ARHGAP18: variants seen among roughly 807,000 people sequenced by gnomAD.
The protein encoded by ARHGAP18 is rho GTPase-activating protein 18.
ARHGAP18 carries 67 observed loss-of-function variants against 86.2 expected under a neutral mutation model. That is an observed-to-expected ratio of 0.78 (90% confidence interval 0.64 to 0.95). The LOEUF is 0.95. ARHGAP18 is among the 40% of genes least tolerant of loss of function. ARHGAP18 has a pLI of 0.00. For synonymous variants in ARHGAP18, 283 were observed against 280.4 expected, an observed-to-expected ratio of 1.01 and a Z score of -0.09; for missense variants, 691 against 780.4, an observed-to-expected ratio of 0.89 and a Z score of 1.37.
At chr6:129,686,940 G>C (rs1304628768) in intron 1 of ARHGAP18, among the ~76,000 whole-genome samples, 1 of 149,852 alleles carries the variant, frequency 6.7e-6, no homozygotes, top group East Asian at 2.0e-4. Context: ...ACAGGCACCG[G>C]CCACCACACC....
intron 1 of ARHGAP18, among the ~76,000 whole-genome samples, chr6:129,668,372 A>ACACACT (rs1177761216): frequency 1.1e-4 from 17 of 148,216 alleles, no homozygotes; most frequent in Non-Finnish European, 2.1e-4. Flanking sequence ...TCACACACAC[A>ACACACT]CACACACACA....
At chr6:129,603,914 T>A (rs967941683) in intron 10 of ARHGAP18, among the ~76,000 whole-genome samples, 1 of 152,204 alleles carries the variant, frequency 6.6e-6, no homozygotes, top group Non-Finnish European at 1.5e-5. Flanking sequence ...ACCATGCACA[T>A]GATTCTGTCC....
At chr6:129,635,560 T>C (rs779837748) in intron 3 of ARHGAP18, among the ~76,000 whole-genome samples, 14 of 152,188 alleles carry the variant, frequency 9.2e-5, no homozygotes, top group Non-Finnish European at 1.8e-4. Context: ...TTTTGGAGCA[T>C]GTGGTCGGAA....
intron 5 of ARHGAP18, among the ~76,000 whole-genome samples, chr6:129,619,103 C>T (rs1261245591): frequency 6.7e-6 from 1 of 148,962 alleles, no homozygotes; most frequent in Non-Finnish European, 1.5e-5. Flanking sequence ...AGTATTAATA[C>T]CAGTGGCTCA....
intron 1 of ARHGAP18, among the ~76,000 whole-genome samples, chr6:129,648,479 A>C (rs887587332): frequency 1.3e-5 from 2 of 149,420 alleles, no homozygotes; most frequent in African/African-American, 4.9e-5. Context: ...ACTTTCTAAA[A>C]TATGGTTTGT....
chr6:129,700,063 T>C (rs545156544), intron 1 of ARHGAP18, among the ~76,000 whole-genome samples: 102 of 152,326 alleles, frequency 6.7e-4, no homozygotes, highest in African/African-American at 2.4e-3. Context: ...CCCAGATCTC[T>C]GCCACAGATA....
At chr6:129,709,026 C>T (rs904682802) in intron 1 of ARHGAP18, among the ~76,000 whole-genome samples, 6 of 152,150 alleles carry the variant, frequency 3.9e-5, no homozygotes, top group Non-Finnish European at 5.9e-5. Context: ...TTTCTCCCTC[C>T]CTCATATTTG....
chr6:129,606,398 T>C (rs1162825683), intron 9 of ARHGAP18, among the ~76,000 whole-genome samples: 2 of 152,122 alleles, frequency 1.3e-5, no homozygotes, highest in Admixed American at 1.3e-4. Context: ...AACAGGAATA[T>C]GTAAAATAGG....
intron 1 of ARHGAP18, among the ~76,000 whole-genome samples, chr6:129,679,639 C>G (rs1427576635): frequency 6.6e-6 from 1 of 152,192 alleles, no homozygotes; most frequent in Non-Finnish European, 1.5e-5. Flanking sequence ...GTAGTAAAAG[C>G]TGATATTACA....
intron 4 of ARHGAP18, among the ~76,000 whole-genome samples, chr6:129,631,938 A>T (rs1358907558): frequency 6.9e-6 from 1 of 144,418 alleles, no homozygotes. Flanking sequence ...AACATATTAC[A>T]GTGAATTAAT....
chr6:129,707,970 C>T (rs928910370), intron 1 of ARHGAP18, among the ~76,000 whole-genome samples: 2 of 152,060 alleles, frequency 1.3e-5, no homozygotes, highest in African/African-American at 4.8e-5. Flanking sequence ...CGCCCCGAAA[C>T]CACTATCACC....
Position 129,583,578 on chromosome 6 carries a change from T to A in ARHGAP18, c.1838+410A>T, listed in dbSNP as rs890681727. 2.0e-5 allele frequency among the ~76,000 whole-genome samples: 3 copies of A among 152,220 alleles called. No homozygotes were observed. The South Asian group carries it at 6.2e-4, about 32-fold the overall frequency. On this transcript the variant is annotated intron_variant, in intron 13 of 14. Coordinates refer to ENST00000368149, the MANE Select transcript of ARHGAP18 (RefSeq NM_033515.3). ...CCATTTTGAAATCCATTATATTTCA[T>A]AGAAAAAGTTGTGTCTTTTCTTTAT...
At chr6:129,700,765 TG>T (rs1024335556) in intron 1 of ARHGAP18, among the ~76,000 whole-genome samples, 5 of 152,154 alleles carry the variant, frequency 3.3e-5, no homozygotes, top group African/African-American at 9.7e-5. Flanking sequence ...TTATTCCCAG[TG>T]TGCAGAAGGA....
intron 13 of ARHGAP18, among the ~76,000 whole-genome samples, chr6:129,582,842 T>TG (rs1788316070): frequency 6.6e-6 from 1 of 152,198 alleles, no homozygotes; most frequent in African/African-American, 2.4e-5. Context: ...GAAGCAGACG[T>TG]AATAATAGCA....
At chr6:129,658,569 G>A (rs1251864711) in intron 1 of ARHGAP18, among the ~76,000 whole-genome samples, 1 of 152,172 alleles carries the variant, frequency 6.6e-6, no homozygotes, top group Non-Finnish European at 1.5e-5. Flanking sequence ...CAGGGTTGAG[G>A]ATGCAGACAA....
rs555608903 is a variant in ARHGAP18, at chr6:129,578,054, C to T, written c.*459G>A. On this transcript the variant is annotated 3_prime_UTR_variant, in exon 15 of 15. Coordinates refer to ENST00000368149, the MANE Select transcript of ARHGAP18 (RefSeq NM_033515.3). ...GGTATGTTTTAATGTGCTGTCTTCA[C>T]AACTTGCCATACCTGGTATTTGTTA... 1.3e-5 allele frequency: 2 copies of T among 152,236 alleles called. No individual in the cohort carries two copies. Among genetic ancestry groups the T allele is most frequent in the South Asian group, 4.2e-4 (2 of 4,812 alleles). The allele number at this position is 152,236 out of a possible 1,614,324, so 9.4% of individuals were successfully genotyped here. A position where few individuals can be genotyped will look rare whatever the true frequency, so the allele number is the denominator to read the frequency against.
intron 1 of ARHGAP18, among the ~76,000 whole-genome samples, chr6:129,664,562 T>A (rs574901050): frequency 6.6e-6 from 1 of 152,338 alleles, no homozygotes; most frequent in East Asian, 1.9e-4. Context: ...ATTTGCAACT[T>A]GGTTTCATCA....
At chr6:129,675,919 G>A (rs531464441) in intron 1 of ARHGAP18, among the ~76,000 whole-genome samples, 45 of 152,280 alleles carry the variant, frequency 3.0e-4, no homozygotes, top group African/African-American at 1.1e-3. Flanking sequence ...CGCAATTGGA[G>A]GAGCAATTGA....
At chr6:129,606,233 G>A (rs1387683573) in intron 9 of ARHGAP18, among the ~76,000 whole-genome samples, 1 of 152,118 alleles carries the variant, frequency 6.6e-6, no homozygotes, top group Non-Finnish European at 1.5e-5. Flanking sequence ...ACAGTGCTTT[G>A]GAAATAATTT....
Sources: gnomAD v4.1 joint callset for allele counts (sites outside exome capture counted in the v4.1 genomes callset) on GRCh38, gnomAD v4.1.1 for gene constraint, MANE v1.5 for transcripts, NCBI Gene and HGNC (gene_info 2026-07-23, HGNC 2026-07-21) for gene names.